The following AGBL1 variants were observed in gnomAD, a reference collection of about 807,000 sequenced individuals.
The protein encoded by AGBL1 is AGBL carboxypeptidase 1.
Under a neutral mutation model 118.9 loss-of-function variants are expected in AGBL1, and 130 were observed. The observed-to-expected ratio is 1.09, with a 90% CI of 0.95 to 1.26. The LOEUF is 1.26. Ranked by LOEUF, AGBL1 falls within the 50% of genes most tolerant of loss-of-function variation. AGBL1 has a pLI of 0.00. For missense variants in AGBL1, 1,584 were observed against 1,298.1 expected (o/e 1.22, Z -3.38); for synonymous variants, 555 against 478.9 (o/e 1.16, Z -2.08).
At chr15:86,139,649 A>C (rs1313869211) in intron 1 of AGBL1, among the ~76,000 whole-genome samples, 1 of 152,188 alleles carries the variant, frequency 6.6e-6, no homozygotes, top group Non-Finnish European at 1.5e-5. Flanking sequence ...TCAAGTATCT[A>C]GGGATCCCTA....
At chr15:86,844,779 G>T (rs938637096) in intron 22 of AGBL1, among the ~76,000 whole-genome samples, 1 of 152,012 alleles carries the variant, frequency 6.6e-6, no homozygotes, top group Non-Finnish European at 1.5e-5. Context: ...AGAAATTTTT[G>T]CTTGCCCAAA....
chr15:86,172,399 T>C (rs2077428157), intron 5 of AGBL1, among the ~76,000 whole-genome samples: 1 of 152,310 alleles, frequency 6.6e-6, no homozygotes, highest in East Asian at 1.9e-4. Context: ...TATTTTGAAA[T>C]AGATATCGTT....
chr15:86,662,526 G>T (rs1444125946), intron 21 of AGBL1, among the ~76,000 whole-genome samples: 1 of 152,208 alleles, frequency 6.6e-6, no homozygotes, highest in East Asian at 1.9e-4. Context: ...GATCTTGCTG[G>T]AGAGTGTATT....
rs74698245 is a variant in AGBL1 at position 86,549,221 on chromosome 15, C to T, written c.2817+3088C>T. Among the ~76,000 whole-genome samples, 72 of 151,914 alleles carry T rather than the reference C, an allele frequency of 4.7e-4. 1 individual carries two copies. The highest frequency in any genetic ancestry group is 9.0e-4 in the Non-Finnish European group (61 of 67,934). On this transcript the variant is annotated intron_variant, in intron 20 of 22. Transcript: ENST00000614907. ...AAAAATATATGTCTCTAGAGGAGAC[C>T]CAAGAGGGCCCAGTGAGAAAGAAAG...
intron 17 of AGBL1, among the ~76,000 whole-genome samples, chr15:86,312,979 G>C (rs1342290285): frequency 6.6e-6 from 1 of 152,218 alleles, no homozygotes; most frequent in Admixed American, 6.5e-5. Context: ...GGATTTATGC[G>C]TCGTTGTAAA....
At chr15:86,483,112 C>T (rs191786058) in intron 18 of AGBL1, among the ~76,000 whole-genome samples, 10 of 152,156 alleles carry the variant, frequency 6.6e-5, no homozygotes, top group African/African-American at 2.4e-4. Flanking sequence ...CATGTATATG[C>T]TCAACTGAGC....
Position 86,224,930 on chromosome 15 carries a change from T to A in AGBL1, c.505T>A (p.Leu169Met). The part of the protein sequence containing the change: ...TQAIRAATEV[L>M]AALLKSKSNG... ...TTTCCCCAGGGCAGCCACTGAAGTT[T>A]TGGCAGCATTGCTGAAATCCAGTAA... Residue 169 changes from leucine (L) to methionine (M), a missense_variant, in exon 6 of 23, where the codon TTG becomes ATG. Coordinates refer to ENST00000614907, the MANE Select transcript of AGBL1 (RefSeq NM_001386094.1). 1 of 1,613,516 alleles carries A rather than the reference T, an allele frequency of 6.2e-7. No individual in the cohort carries two copies. Among genetic ancestry groups the A allele is most frequent in the African/African-American group, 1.3e-5 (1 of 74,988 alleles).
chr15:86,610,171 G>A (rs556251144), intron 21 of AGBL1, among the ~76,000 whole-genome samples: 2 of 152,262 alleles, frequency 1.3e-5, no homozygotes, highest in African/African-American at 4.8e-5. Flanking sequence ...ACATTCAATG[G>A]AAGATAGTCA....
At chr15:86,260,279 C>T (rs1401094845) in intron 9 of AGBL1, among the ~76,000 whole-genome samples, 1 of 152,208 alleles carries the variant, frequency 6.6e-6, no homozygotes, top group African/African-American at 2.4e-5. Flanking sequence ...GGCCTTTAAC[C>T]TGTGGCCTTC....
intron 22 of AGBL1, among the ~76,000 whole-genome samples, chr15:86,831,934 C>A (rs116269257): frequency 6.6e-6 from 1 of 152,184 alleles, no homozygotes; most frequent in African/African-American, 2.4e-5. Flanking sequence ...TGTTTCCATA[C>A]GTCTTCTGAA....
At chr15:86,635,756 T>C (rs2085072181) in intron 21 of AGBL1, among the ~76,000 whole-genome samples, 1 of 152,132 alleles carries the variant, frequency 6.6e-6, no homozygotes, top group Admixed American at 6.6e-5. Context: ...ACAAAAGATA[T>C]CACCCATCAC....
At chr15:86,978,123 TCA>T (rs2081193235) in intron 23 of AGBL1, among the ~76,000 whole-genome samples, 2 of 152,302 alleles carry the variant, frequency 1.3e-5, no homozygotes, top group Admixed American at 6.5e-5. Context: ...TCAGCCAAAT[TCA>T]CAGACTACTA....
intron 9 of AGBL1, among the ~76,000 whole-genome samples, chr15:86,262,077 G>GTTTTTTTTTTTTTT (rs1491268138): frequency 1.1e-3 from 4 of 3,490 alleles, no homozygotes; most frequent in Non-Finnish European, 2.6e-3. Context: ...TGCATAGCTG[G>GTTTTTTTTTTTTTT]CTTTTTTTTT....
intron 22 of AGBL1, among the ~76,000 whole-genome samples, chr15:86,709,172 G>C (rs6496353): frequency 0.51 from 77,392 of 151,842 alleles, 22,095 homozygotes; most frequent in African/African-American, 0.77. Flanking sequence ...CACAAAACTT[G>C]TACTCATCAT....
intron 22 of AGBL1, among the ~76,000 whole-genome samples, chr15:86,763,447 C>T (rs2141275427): frequency 6.6e-6 from 1 of 151,934 alleles, no homozygotes; most frequent in South Asian, 2.1e-4. Flanking sequence ...ATTATACTCA[C>T]TTTAGTGAAA....
chr15:86,782,403 T>C (rs2078348363), intron 22 of AGBL1, among the ~76,000 whole-genome samples: 1 of 152,196 alleles, frequency 6.6e-6, no homozygotes, highest in Non-Finnish European at 1.5e-5. Context: ...AATTCAGGTG[T>C]AAACTCTACA....
intron 22 of AGBL1, among the ~76,000 whole-genome samples, chr15:86,829,043 G>A (rs1163529734): frequency 6.6e-6 from 1 of 151,216 alleles, no homozygotes; most frequent in Non-Finnish European, 1.5e-5. Context: ...ACTGGACCTA[G>A]TGAGTAGGAA....
chr15:86,400,610 C>A (rs560677339), intron 18 of AGBL1, among the ~76,000 whole-genome samples: 6 of 146,396 alleles, frequency 4.1e-5, no homozygotes, highest in Admixed American at 3.5e-4. Context: ...CCTCACCCCC[C>A]AACTCTTCCC....
At chr15:86,539,316 G>A (rs1310812733) in intron 19 of AGBL1, among the ~76,000 whole-genome samples, 1 of 152,096 alleles carries the variant, frequency 6.6e-6, no homozygotes, top group African/African-American at 2.4e-5. Flanking sequence ...TCCTTTCTTA[G>A]CCTCTAAATC....
Sources: gnomAD v4.1 joint callset for allele counts (sites outside exome capture counted in the v4.1 genomes callset) on GRCh38, gnomAD v4.1.1 for gene constraint, MANE v1.5 for transcripts, NCBI Gene and HGNC (gene_info 2026-07-23, HGNC 2026-07-21) for gene names.